The following EEFSEC variants were observed in gnomAD, a reference collection of about 807,000 sequenced individuals.
The protein encoded by EEFSEC is selenocysteine-specific elongation factor.
EEFSEC carries 43 observed loss-of-function variants against 42.1 expected under a neutral mutation model. The observed-to-expected ratio is 1.02, with a 90% confidence interval of 0.80 to 1.32. The LOEUF (loss-of-function observed/expected upper bound fraction) is 1.32. Ranked by LOEUF, EEFSEC falls within the 40% of genes most tolerant of loss-of-function variation. The probability of loss-of-function intolerance (pLI) is 0.00; values close to 1 mark genes in which losing one functional copy is unlikely to be tolerated. For missense variants in EEFSEC, 745 were observed against 803.6 expected (o/e 0.93, Z 0.88); for synonymous variants, 354 against 339.1 (o/e 1.04, Z -0.48).
At chr3:128,281,200 C>T (rs2066522364) in intron 4 of EEFSEC, among the ~76,000 whole-genome samples, 2 of 152,178 alleles carry the variant, frequency 1.3e-5, no homozygotes, top group South Asian at 2.1e-4. Context: ...AAATGTGGAT[C>T]GGACCCTCCT....
Position 128,153,741 on chromosome 3 carries a change from G to T in EEFSEC, c.234G>T (p.Glu78Asp), listed in dbSNP as rs1342685750. ...AGTTCCAGGCAGCGCCCGAGGCCGA[G>T]CCCGAGCCCGGCGAGCCACTGCTTC... ...LPEFQAAPEA[E>D]PEPGEPLLQV... is the part of the protein sequence containing the mutation. Residue 78 changes from glutamate to aspartate, a missense_variant, in exon 1 of 7, where the codon GAG becomes GAT. Physicochemically the swap from Glu to Asp is conservative, Grantham distance 45 (BLOSUM62 2). Transcript: ENST00000254730. 3 of 1,538,458 alleles carry T rather than the reference G, an allele frequency of 1.9e-6. No individual in the cohort carries two copies. Among genetic ancestry groups the T allele is most frequent in the South Asian group, 1.2e-5 (1 of 84,174 alleles).
rs575595114 is a variant in EEFSEC at position 128,173,228 on chromosome 3, A to G, written c.316+19405A>G. 1.1e-3 allele frequency among the ~76,000 whole-genome samples: 164 copies of G among 152,380 alleles called. 1 individual carries two copies. Among genetic ancestry groups the G allele is most frequent in the Non-Finnish European group, 1.8e-3 (123 of 68,042 alleles). On this transcript the variant is annotated intron_variant, in intron 1 of 6. Coordinates refer to ENST00000254730, the MANE Select transcript of EEFSEC (RefSeq NM_021937.5). ...TTTCCGGGAACATAGTTTCTAAAAA[A>G]ATGCTGGAACCATCAGTTTCCAAAG...
chr3:128,218,204 G>GA (rs1399089116), intron 1 of EEFSEC, among the ~76,000 whole-genome samples: 1 of 152,144 alleles, frequency 6.6e-6, no homozygotes, highest in East Asian at 1.9e-4. Context: ...AAAAATGAAA[G>GA]AAAAAAGAGA....
At chr3:128,308,699 G>A (rs2066857986) in intron 4 of EEFSEC, among the ~76,000 whole-genome samples, 1 of 152,220 alleles carries the variant, frequency 6.6e-6, no homozygotes, top group Admixed American at 6.5e-5. Flanking sequence ...GCAAATGGGT[G>A]ACTTGGGCCC....
intron 4 of EEFSEC, among the ~76,000 whole-genome samples, chr3:128,289,891 G>A (rs1301659263): frequency 6.6e-6 from 1 of 152,166 alleles, no homozygotes; most frequent in Non-Finnish European, 1.5e-5. Context: ...ATCTTCTTTT[G>A]TGAAATGACT....
chr3:128,176,131 A>C (rs2107783374), intron 1 of EEFSEC, among the ~76,000 whole-genome samples: 1 of 152,256 alleles, frequency 6.6e-6, no homozygotes, highest in South Asian at 2.1e-4. Flanking sequence ...CTTAAGTTTT[A>C]ATCTTTATAC....
At position 128,155,342 on chromosome 3, in the gene EEFSEC, A is replaced by G. The variant is rs569359947; in HGVS notation, c.316+1519A>G. Among the ~76,000 whole-genome samples, 3 of 152,018 alleles carry G rather than the reference A, an allele frequency of 2.0e-5. No individual in the cohort carries two copies. The East Asian group carries it at 5.8e-4, about 29-fold the overall frequency. The stretch of plus-strand genomic sequence containing the variant: ...ATTGGCCAGGATGGTCTTGATCTCG[A>G]CCTCGTGATCCCCATGCCTCGGCCT... On this transcript the variant is annotated intron_variant, in intron 1 of 6. Transcript: ENST00000254730.
chr3:128,188,952 G>A (rs2065492286), intron 1 of EEFSEC, among the ~76,000 whole-genome samples: 1 of 152,204 alleles, frequency 6.6e-6, no homozygotes, highest in Non-Finnish European at 1.5e-5. Context: ...CCTCCCTTGT[G>A]AGTCTGTAGG....
At chr3:128,331,815 G>T (rs904964740) in intron 4 of EEFSEC, among the ~76,000 whole-genome samples, 1 of 152,118 alleles carries the variant, frequency 6.6e-6, no homozygotes, top group African/African-American at 2.4e-5. Context: ...TGCTGGGGAG[G>T]GTGTGGGGAA....
At chr3:128,275,914 G>A (rs1169996904) in intron 4 of EEFSEC, among the ~76,000 whole-genome samples, 1 of 152,182 alleles carries the variant, frequency 6.6e-6, no homozygotes, top group East Asian at 1.9e-4. Context: ...TGTAGGCCAC[G>A]CCTTGTGATG....
At chr3:128,197,065 CT>C (rs2065592703) in intron 1 of EEFSEC, among the ~76,000 whole-genome samples, 1 of 152,212 alleles carries the variant, frequency 6.6e-6, no homozygotes, top group Non-Finnish European at 1.5e-5. Flanking sequence ...GTTCTGTGTA[CT>C]TTTGTAAGTT....
At chr3:128,393,491 G>T (rs1398285480) in intron 6 of EEFSEC, among the ~76,000 whole-genome samples, 6 of 152,216 alleles carry the variant, frequency 3.9e-5, no homozygotes, top group Admixed American at 1.3e-4. Flanking sequence ...GCTTCTGAGG[G>T]TAGAGGGACA....
chr3:128,277,836 CAG>C (rs906567675), intron 4 of EEFSEC, among the ~76,000 whole-genome samples: 5 of 152,162 alleles, frequency 3.3e-5, no homozygotes, highest in Non-Finnish European at 5.9e-5. Flanking sequence ...GGGCTGAAGT[CAG>C]GGGAGGCTTC....
chr3:128,303,471 G>T (rs897410165), intron 4 of EEFSEC, among the ~76,000 whole-genome samples: 4 of 152,116 alleles, frequency 2.6e-5, no homozygotes, highest in African/African-American at 9.7e-5. Flanking sequence ...TTTAATTTTT[G>T]AATGAGGTTA....
At chr3:128,315,705 T>A (rs1305308955) in intron 4 of EEFSEC, among the ~76,000 whole-genome samples, 2 of 152,220 alleles carry the variant, frequency 1.3e-5, no homozygotes, top group African/African-American at 4.8e-5. Flanking sequence ...AAAGCTCCAT[T>A]TCTTGAAAAC....
intron 3 of EEFSEC, 81 bp downstream of exon 3, chr3:128,262,305 GA>G (rs1233275924): frequency 8.7e-6 from 11 of 1,267,244 alleles, no homozygotes; most frequent in African/African-American, 4.5e-5. Context: ...TCTCCCCTGA[GA>G]GAGAAAGAGA....
chr3:128,194,005 TC>T (rs1333035063), intron 1 of EEFSEC, among the ~76,000 whole-genome samples: 2 of 148,326 alleles, frequency 1.3e-5, no homozygotes, highest in South Asian at 2.2e-4. Flanking sequence ...TCTTCCCCCA[TC>T]CCCCAACTTG....
rs1014475413 is a variant in EEFSEC, at chr3:128,383,049, C to T, written c.1600+24676C>T. Among the ~76,000 whole-genome samples, 4 of 152,292 alleles carry T rather than the reference C, an allele frequency of 2.6e-5. No homozygotes were observed. In the East Asian group the frequency reaches 7.7e-4, roughly 29 times the overall value. On this transcript the variant is annotated intron_variant, in intron 6 of 6. Coordinates refer to ENST00000254730, the MANE Select transcript of EEFSEC (RefSeq NM_021937.5). ...TGGAAGACCTGAGTGGATCCCTGCC[C>T]CCAGTTCCTCAGATCTCATTGCCTC...
chr3:128,319,797 A>C (rs575829319), intron 4 of EEFSEC, among the ~76,000 whole-genome samples: 43 of 152,330 alleles, frequency 2.8e-4, no homozygotes, highest in African/African-American at 1.0e-3. Context: ...TCTCGACTGC[A>C]GGGATGGTGT....
Sources: allele counts gnomAD v4.1 joint callset (sites outside exome capture counted in the v4.1 genomes callset), GRCh38; gene constraint gnomAD v4.1.1; transcripts MANE v1.5; gene names NCBI Gene and HGNC (gene_info 2026-07-23, HGNC 2026-07-21).